ALPL: variants seen among roughly 807,000 people sequenced by gnomAD.
ALPL encodes the protein alkaline phosphatase, biomineralization associated.
Under a neutral mutation model 51.3 loss-of-function variants are expected in ALPL, and 42 were observed. The ratio of observed to expected loss-of-function variants is 0.82; its 90% CI spans 0.64 to 1.06. The LOEUF (loss-of-function observed/expected upper bound fraction) is 1.06, where lower values mean the gene tolerates loss of function less well. ALPL is among the 50% of genes least tolerant of loss of function. The pLI is 0.00. For synonymous variants in ALPL, 279 were observed against 296.4 expected, an observed-to-expected ratio of 0.94 and a Z score of 0.60; for missense variants, 589 against 709.4, an observed-to-expected ratio of 0.83 and a Z score of 1.93.
At chr1:21,554,857 C>CT (rs1374934395) in intron 2 of ALPL, among the ~76,000 whole-genome samples, 1 of 135,378 alleles carries the variant, frequency 7.4e-6, no homozygotes, top group Non-Finnish European at 1.6e-5. Flanking sequence ...TTCTTTCTTT[C>CT]TTTCTTTCTT....
At chr1:21,542,230 G>A (rs886703102) in intron 1 of ALPL, among the ~76,000 whole-genome samples, 1 of 152,110 alleles carries the variant, frequency 6.6e-6, no homozygotes, top group African/African-American at 2.4e-5. Flanking sequence ...CTATGCAGGT[G>A]CCCCCCAGCC....
In ALPL at chr1:21,563,130, G is replaced by C. The variant is rs1553412268; in HGVS notation, c.318G>C (p.Gln106His). ...ALSKTYNTNA[Q>H]VPDSAGTATA... Reference sequence around the variant, plus strand: ...TGCAGACGTACAACACCAATGCCCAGGTCCCTGACAGTGCCGGCACCGCCA... The same window carrying C: ...TGCAGACGTACAACACCAATGCCCACGTCCCTGACAGTGCCGGCACCGCCA... The change falls in exon 5 of 12, where the codon CAG becomes CAC. Residue 106 changes from glutamine (Q) to histidine (H), a missense_variant. Transcript: ENST00000374840. 4 of 1,613,706 alleles carry C rather than the reference G, an allele frequency of 2.5e-6. No homozygotes were observed. Among genetic ancestry groups the C allele is most frequent in the Non-Finnish European group, 2.5e-6 (3 of 1,180,022 alleles).
intron 1 of ALPL, among the ~76,000 whole-genome samples, chr1:21,524,360 C>G (rs1422268519): frequency 6.6e-6 from 1 of 152,148 alleles, no homozygotes; most frequent in East Asian, 1.9e-4. Flanking sequence ...GTGGCACATG[C>G]CTGTGTCCTA....
chr1:21,541,165 C>G lies in ALPL; in HGVS notation c.-104-12813C>G, dbSNP rs550207661. 4.6e-5 allele frequency among the ~76,000 whole-genome samples: 7 copies of G among 152,300 alleles called. No individual in the cohort carries two copies. The South Asian group carries it at 1.2e-3, about 27-fold the overall frequency. ...GTCCATCCGTTCTCTGCTCCAGCCCCTCATCTGCCCCACTTGCCCATCTCT... is the reference window on the plus strand; with the variant it reads ...GTCCATCCGTTCTCTGCTCCAGCCCGTCATCTGCCCCACTTGCCCATCTCT... On this transcript the variant is annotated intron_variant, in intron 1 of 11. Coordinates refer to ENST00000374840, the MANE Select transcript of ALPL (RefSeq NM_000478.6).
At chr1:21,567,346 T>C (rs1338181019) in intron 6 of ALPL, among the ~76,000 whole-genome samples, 4 of 151,988 alleles carry the variant, frequency 2.6e-5, no homozygotes, top group African/African-American at 9.7e-5. Flanking sequence ...AAACATGGAC[T>C]CCCAAGGAAA....
Position 21,542,747 on chromosome 1 carries a change from A to G in ALPL, c.-104-11231A>G, listed in dbSNP as rs563635284. 1.3e-3 allele frequency among the ~76,000 whole-genome samples: 195 copies of G among 152,316 alleles called. 2 individuals are homozygous for G. The South Asian group carries it at 0.027, about 21-fold the overall frequency. On this transcript the variant is annotated intron_variant, in intron 1 of 11. Transcript: ENST00000374840. Reference sequence around the variant, plus strand: ...CAGCTACTAGGGAGGCTAAGGCATGAGAATCGCTTGAACTCTGAAGGCGGA... The same window carrying G: ...CAGCTACTAGGGAGGCTAAGGCATGGGAATCGCTTGAACTCTGAAGGCGGA...
chr1:21,570,709 G>T (rs1363374874), intron 8 of ALPL, among the ~76,000 whole-genome samples: 1 of 152,208 alleles, frequency 6.6e-6, no homozygotes, highest in African/African-American at 2.4e-5. Context: ...CAGCTCCTGG[G>T]CTATGGAGCC....
At chr1:21,544,190 G>A (rs549547824) in intron 1 of ALPL, among the ~76,000 whole-genome samples, 5 of 152,368 alleles carry the variant, frequency 3.3e-5, no homozygotes, top group East Asian at 1.9e-4. Context: ...CTGGTGCACC[G>A]TAGTTCTTGA....
chr1:21,576,532 C>A lies in ALPL; in HGVS notation c.1200C>A (p.Pro400=). The change falls in exon 11 of 12, where the codon CCC becomes CCA. Residue 400 remains proline, a synonymous_variant. Transcript: ENST00000374840. The part of the protein sequence containing the change: ...PRGNSIFGLA[P]MLSDTDKKPF... The stretch of plus-strand genomic sequence containing the variant: ...CCCCTCCCTGTGCAGGTCTGGCCCC[C>A]ATGCTGAGTGACACAGACAAGAAGC... 1 of 1,613,942 alleles carries A rather than the reference C, an allele frequency of 6.2e-7. No homozygotes were observed. Among genetic ancestry groups the A allele is most frequent in the Middle Eastern group, 1.7e-4 (1 of 6,060 alleles).
chr1:21,533,423 C>T (rs1307301652), intron 1 of ALPL, among the ~76,000 whole-genome samples: 1 of 152,188 alleles, frequency 6.6e-6, no homozygotes, highest in African/African-American at 2.4e-5. Context: ...CAAATACACT[C>T]TCTGTTGAAT....
At chr1:21,520,623 G>A (rs548315925) in intron 1 of ALPL, among the ~76,000 whole-genome samples, 2 of 151,962 alleles carry the variant, frequency 1.3e-5, no homozygotes, top group South Asian at 2.1e-4. Context: ...CACCACGCCC[G>A]GCTAATTTTT....
At chr1:21,529,675 C>T (rs1347231882) in intron 1 of ALPL, among the ~76,000 whole-genome samples, 1 of 152,214 alleles carries the variant, frequency 6.6e-6, no homozygotes, top group African/African-American at 2.4e-5. Flanking sequence ...AGTGTTTCCA[C>T]TGGGGTCTTT....
At chr1:21,556,981 C>T (rs1281866994) in intron 2 of ALPL, among the ~76,000 whole-genome samples, 4 of 152,172 alleles carry the variant, frequency 2.6e-5, no homozygotes, top group Non-Finnish European at 5.9e-5. Flanking sequence ...CTGTACCTGG[C>T]TTGCCGTCGC....
rs76324396 is a variant in ALPL, at chr1:21,514,703, C to T, written c.-105+5186C>T. 4.8e-3 allele frequency among the ~76,000 whole-genome samples: 727 copies of T among 152,304 alleles called. 3 individuals carry two copies. Among genetic ancestry groups the T allele is most frequent in the Non-Finnish European group, 8.4e-3 (574 of 68,034 alleles). ...TGGACAAGGGAGACTGATTGATTGTCGATTGCTGATACTAACCTCACATCC... is the reference window on the plus strand; with the variant it reads ...TGGACAAGGGAGACTGATTGATTGTTGATTGCTGATACTAACCTCACATCC... On this transcript the variant is annotated intron_variant, in intron 1 of 11. Transcript: ENST00000374840.
chr1:21,557,577 C>T (rs1384846462), intron 2 of ALPL, among the ~76,000 whole-genome samples: 1 of 152,214 alleles, frequency 6.6e-6, no homozygotes, highest in East Asian at 1.9e-4. Flanking sequence ...AATCTTCAAA[C>T]GTTCAGCAGT....
At chr1:21,565,357 C>T (rs972239610) in intron 6 of ALPL, among the ~76,000 whole-genome samples, 3 of 152,190 alleles carry the variant, frequency 2.0e-5, no homozygotes, top group Non-Finnish European at 2.9e-5. Flanking sequence ...TGGCCTGGGG[C>T]GAGTTCCTTC....
intron 1 of ALPL, among the ~76,000 whole-genome samples, chr1:21,551,657 G>A (rs1452063191): frequency 2.7e-5 from 4 of 149,250 alleles, no homozygotes; most frequent in East Asian, 2.0e-4. Context: ...TCCACTCTGC[G>A]CCGCTACCCC....
chr1:21,515,545 C>T (rs1242474250), intron 1 of ALPL, among the ~76,000 whole-genome samples: 1 of 152,190 alleles, frequency 6.6e-6, no homozygotes, highest in African/African-American at 2.4e-5. Context: ...CATGCCACCA[C>T]ACCCAGCTAA....
intron 1 of ALPL, among the ~76,000 whole-genome samples, chr1:21,524,814 G>A (rs985589620): frequency 2.6e-5 from 4 of 152,178 alleles, no homozygotes; most frequent in Admixed American, 1.3e-4. Flanking sequence ...TTAGAAGTGC[G>A]GAGTTTATCT....
Sources: allele counts gnomAD v4.1 joint callset (sites outside exome capture counted in the v4.1 genomes callset), GRCh38; gene constraint gnomAD v4.1.1; transcripts MANE v1.5; gene names NCBI Gene and HGNC (gene_info 2026-07-23, HGNC 2026-07-21).